The following AGPAT4 variants were observed in gnomAD, a reference collection of about 807,000 sequenced individuals.
AGPAT4 encodes 1-acyl-sn-glycerol-3-phosphate acyltransferase delta.
Under a neutral mutation model 48.0 loss-of-function variants are expected in AGPAT4, and 15 were observed. The ratio of observed to expected loss-of-function variants is 0.31; its 90% CI spans 0.21 to 0.48. AGPAT4 has a LOEUF of 0.48. Among genes scored for constraint, AGPAT4 ranks in the 20% least tolerant of loss-of-function variants. AGPAT4 has a pLI of 0.99. For missense variants in AGPAT4, 314 were observed against 482.5 expected (o/e 0.65, Z 3.27); for synonymous variants, 178 against 198.7 (o/e 0.90, Z 0.88).
rs886703381 is a variant in AGPAT4, at chr6:161,232,739, G to A, written c.-89-437C>T. Among the ~76,000 whole-genome samples the A allele has an allele frequency of 4.6e-5, 7 of 152,122 alleles. No homozygotes were observed. Among genetic ancestry groups the A allele is most frequent in the East Asian group, 1.9e-4 (1 of 5,150 alleles). On this transcript the variant is annotated intron_variant, in intron 1 of 8. Coordinates refer to ENST00000320285, the MANE Select transcript of AGPAT4 (RefSeq NM_020133.3). The surrounding 1 kb of genome is among the most constrained non-coding windows in gnomAD (Gnocchi z 6.8). ...CCCATTCTCTCACCCCTAGCCCCAC[G>A]CCATCTCCCTCCTCTCATTCTCCTC...
rs757075065 is a variant in AGPAT4, at chr6:161,251,632, G to A, written c.-89-19330C>T. Among the ~76,000 whole-genome samples, 6 of 152,326 alleles carry A rather than the reference G, an allele frequency of 3.9e-5. No homozygotes were observed. The highest frequency in any genetic ancestry group is 4.4e-5 in the Non-Finnish European group (3 of 68,040). ...GACCCGCAGGGAGGATGGAAGCTGCGCCTGAGAGCTCCTGCAAGTTCATTT... is the reference window on the plus strand; with the variant it reads ...GACCCGCAGGGAGGATGGAAGCTGCACCTGAGAGCTCCTGCAAGTTCATTT... On this transcript the variant is annotated intron_variant, in intron 1 of 8. Transcript: ENST00000320285. The surrounding 1 kb of genome is among the most constrained non-coding windows in gnomAD (Gnocchi z 4.6).
intron 3 of AGPAT4, among the ~76,000 whole-genome samples, chr6:161,156,070 C>A (rs1038984781): frequency 2.6e-5 from 4 of 152,206 alleles, no homozygotes; most frequent in African/African-American, 9.6e-5. Context: ...ATGGAAACGA[C>A]AACTTTGACA....
At position 161,148,221 on chromosome 6, in the gene AGPAT4, A is replaced by G. The variant is rs905798476; in HGVS notation, c.767+966T>C. Among the ~76,000 whole-genome samples, 1 of 152,188 alleles carries G rather than the reference A, an allele frequency of 6.6e-6. No homozygotes were observed. The highest frequency in any genetic ancestry group is 1.5e-5 in the Non-Finnish European group (1 of 68,032). ...AGGTGGGTGATTCTCCTGCCTTCAT[A>G]TGCCACAGAACTGAGTCACAGGGCA... is the stretch of plus-strand genomic sequence containing the variant. On this transcript the variant is annotated intron_variant, in intron 6 of 8. Transcript: ENST00000320285. This position sits in a 1 kb window ranked among gnomAD's most constrained non-coding sequence, Gnocchi z 5.5.
rs1488294773 is a variant in AGPAT4 at position 161,140,237 on chromosome 6, G to T, written c.844-617C>A. 6.6e-6 allele frequency among the ~76,000 whole-genome samples: 1 copy of T among 152,250 alleles called. No homozygotes were observed. The highest frequency in any genetic ancestry group is 2.4e-5 in the African/African-American group (1 of 41,466). ...TGACAAAGGGCTGGAGGGCTGCTGG[G>T]TGTGGCTCTCAGAGGTGACAGCACA... is the stretch of plus-strand genomic sequence containing the variant. On this transcript the variant is annotated intron_variant, in intron 7 of 8. Transcript: ENST00000320285. The surrounding 1 kb of genome is among the most constrained non-coding windows in gnomAD (Gnocchi z 6.5).
Position 161,158,964 on chromosome 6 carries a change from AG to A in AGPAT4, c.349-4655del, listed in dbSNP as rs1165350409. ...CAGTCATTCATGAAGGTTTCCCAGT[AG>A]GGTTACCAGTTAGTCAAGTGAGCCA... On this transcript the variant is annotated intron_variant, in intron 3 of 8. Coordinates refer to ENST00000320285, the MANE Select transcript of AGPAT4 (RefSeq NM_020133.3). The surrounding 1 kb of genome is among the most constrained non-coding windows in gnomAD (Gnocchi z 5.3). Among the ~76,000 whole-genome samples, 3 of 152,232 alleles carry A rather than the reference AG, an allele frequency of 2.0e-5. No individual in the cohort carries two copies. The highest frequency in any genetic ancestry group is 7.2e-5 in the African/African-American group (3 of 41,468).
rs761569245 is a variant in AGPAT4, at chr6:161,141,556, A to AG, written c.844-1937dup. On this transcript the variant is annotated intron_variant, in intron 7 of 8. Coordinates refer to ENST00000320285, the MANE Select transcript of AGPAT4 (RefSeq NM_020133.3). The surrounding 1 kb of genome is among the most constrained non-coding windows in gnomAD (Gnocchi z 6.7). ...CCACAGGGCACCTGATAACTAGACA[A>AG]GGGGGGTGATATTTTTGTGCCTTGT... Among the ~76,000 whole-genome samples, 47 of 152,020 alleles carry AG rather than the reference A, an allele frequency of 3.1e-4. No homozygotes were observed. Among genetic ancestry groups the AG allele is most frequent in the Admixed American group, 6.5e-4 (10 of 15,292 alleles).
At chr6:161,256,989 T>G (rs780617375) in intron 1 of AGPAT4, among the ~76,000 whole-genome samples, 1 of 152,234 alleles carries the variant, frequency 6.6e-6, no homozygotes, top group Non-Finnish European at 1.5e-5. Flanking sequence ...ACCAGCCACC[T>G]TAGCCAGTGG....
At chr6:161,191,218 T>A (rs886667246) in intron 2 of AGPAT4, among the ~76,000 whole-genome samples, 8 of 151,654 alleles carry the variant, frequency 5.3e-5, no homozygotes, top group African/African-American at 1.9e-4. Flanking sequence ...TGTAGAGGAG[T>A]TAACATAAAT....
intron 1 of AGPAT4, among the ~76,000 whole-genome samples, chr6:161,271,539 G>C (rs1783424548): frequency 6.6e-6 from 1 of 152,076 alleles, no homozygotes; most frequent in Non-Finnish European, 1.5e-5. Flanking sequence ...TCACCCTCTG[G>C]GTGTCACCTC....
At position 161,246,579 on chromosome 6, in the gene AGPAT4, T is replaced by C. The variant is rs917894624; in HGVS notation, c.-89-14277A>G. Among the ~76,000 whole-genome samples, 5 of 152,122 alleles carry C rather than the reference T, an allele frequency of 3.3e-5. No homozygotes were observed. The highest frequency in any genetic ancestry group is 7.3e-5 in the Non-Finnish European group (5 of 68,032). On this transcript the variant is annotated intron_variant, in intron 1 of 8. Coordinates refer to ENST00000320285, the MANE Select transcript of AGPAT4 (RefSeq NM_020133.3). The surrounding 1 kb of genome is among the most constrained non-coding windows in gnomAD (Gnocchi z 5.5). ...CATGCGCCACCACGCCCAGCTAATT[T>C]TGTATTTTTAGTCTAGATGGGGTTT...
At position 161,200,240 on chromosome 6, in the gene AGPAT4, G is replaced by A. The variant is rs1192165588; in HGVS notation, c.178+31796C>T. Among the ~76,000 whole-genome samples, 1 of 152,222 alleles carries A rather than the reference G, an allele frequency of 6.6e-6. No homozygotes were observed. The highest frequency in any genetic ancestry group is 1.5e-5 in the Non-Finnish European group (1 of 68,044). On this transcript the variant is annotated intron_variant, in intron 2 of 8. Transcript: ENST00000320285. This position sits in a 1 kb window ranked among gnomAD's most constrained non-coding sequence, Gnocchi z 5.5. ...TCACTTCTATGAGAAAATCACAGCA[G>A]AATAATGCTAATGAGTGAACATTTA...
rs1457375527 is a variant in AGPAT4, at chr6:161,159,847, G to T, written c.349-5537C>A. Reference sequence around the variant, plus strand: ...GTTAGTAGAGACGGGGTTTCACCATGTTGGCTAGTCTGGTCTCGAACTCCT... The same window carrying T: ...GTTAGTAGAGACGGGGTTTCACCATTTTGGCTAGTCTGGTCTCGAACTCCT... On this transcript the variant is annotated intron_variant, in intron 3 of 8. Transcript: ENST00000320285. The surrounding 1 kb of genome is among the most constrained non-coding windows in gnomAD (Gnocchi z 4.1). Among the ~76,000 whole-genome samples, 1 of 151,914 alleles carries T rather than the reference G, an allele frequency of 6.6e-6. No homozygotes were observed. Among genetic ancestry groups the T allele is most frequent in the Admixed American group, 6.5e-5 (1 of 15,272 alleles).
At position 161,242,653 on chromosome 6, in the gene AGPAT4, T is replaced by C. The variant is rs1782525470; in HGVS notation, c.-89-10351A>G. 6.6e-6 allele frequency among the ~76,000 whole-genome samples: 1 copy of C among 152,230 alleles called. No homozygotes were observed. The highest frequency in any genetic ancestry group is 2.4e-5 in the African/African-American group (1 of 41,456). ...GCATATTTTAAAATTATGCTCAGTCTGTGAAGTCTCCAAAAAATTTTATCA... is the reference window on the plus strand; with the variant it reads ...GCATATTTTAAAATTATGCTCAGTCCGTGAAGTCTCCAAAAAATTTTATCA... On this transcript the variant is annotated intron_variant, in intron 1 of 8. Coordinates refer to ENST00000320285, the MANE Select transcript of AGPAT4 (RefSeq NM_020133.3). This position sits in a 1 kb window ranked among gnomAD's most constrained non-coding sequence, Gnocchi z 5.0.
chr6:161,239,314 C>T (rs1454340962), intron 1 of AGPAT4, among the ~76,000 whole-genome samples: 1 of 152,184 alleles, frequency 6.6e-6, no homozygotes, highest in Non-Finnish European at 1.5e-5. Flanking sequence ...AGAGAGCTGT[C>T]AGTTTAATGC....
At position 161,131,910 on chromosome 6, in the gene AGPAT4, T is replaced by C. The variant is rs1158494974; in HGVS notation, c.*4630A>G. The C allele has an allele frequency of 6.6e-6, 1 of 152,130 alleles. No individual in the cohort carries two copies. Among genetic ancestry groups the C allele is most frequent in the Non-Finnish European group, 1.5e-5 (1 of 68,032 alleles). The allele number at this position is 152,130 out of a possible 1,614,324, so 9.4% of individuals were successfully genotyped here. Reference sequence around the variant, plus strand: ...GTGACAGGTCAAAACCCTGGAGTATTTGGTTTGTGTTTAAATGTACTTGAC... The same window carrying C: ...GTGACAGGTCAAAACCCTGGAGTATCTGGTTTGTGTTTAAATGTACTTGAC... On this transcript the variant is annotated 3_prime_UTR_variant, in exon 9 of 9. Coordinates refer to ENST00000320285, the MANE Select transcript of AGPAT4 (RefSeq NM_020133.3).
In AGPAT4 at chr6:161,204,197, C is replaced by G. The variant is rs1164684357; in HGVS notation, c.178+27839G>C. 1.3e-5 allele frequency among the ~76,000 whole-genome samples: 2 copies of G among 152,132 alleles called. No individual in the cohort carries two copies. Among genetic ancestry groups the G allele is most frequent in the African/African-American group, 2.4e-5 (1 of 41,432 alleles). ...AGAAGATGAATGCATTTAAACTTCTCATTAGTAAGTGTACATAAAAGGGAT... is the reference window on the plus strand; with the variant it reads ...AGAAGATGAATGCATTTAAACTTCTGATTAGTAAGTGTACATAAAAGGGAT... On this transcript the variant is annotated intron_variant, in intron 2 of 8. Coordinates refer to ENST00000320285, the MANE Select transcript of AGPAT4 (RefSeq NM_020133.3). This position sits in a 1 kb window ranked among gnomAD's most constrained non-coding sequence, Gnocchi z 4.4.
At chr6:161,252,234 A>G (rs1782823717) in intron 1 of AGPAT4, among the ~76,000 whole-genome samples, 1 of 152,192 alleles carries the variant, frequency 6.6e-6, no homozygotes, top group African/African-American at 2.4e-5. Flanking sequence ...TTGCAGTGGT[A>G]ATAGGAGAGT....
In AGPAT4 at chr6:161,220,383, T is replaced by C. The variant is rs1301451677; in HGVS notation, c.178+11653A>G. 6.6e-6 allele frequency among the ~76,000 whole-genome samples: 1 copy of C among 152,160 alleles called. No individual in the cohort carries two copies. The highest frequency in any genetic ancestry group is 2.4e-5 in the African/African-American group (1 of 41,440). ...TAGGAATTGGGCCAGAGTGTAACAG[T>C]AACTATGAAGAGAAAACATTACATC... On this transcript the variant is annotated intron_variant, in intron 2 of 8. Transcript: ENST00000320285. This position sits in a 1 kb window ranked among gnomAD's most constrained non-coding sequence, Gnocchi z 6.0.
rs1049738028 is a variant in AGPAT4 at position 161,217,171 on chromosome 6, C to A, written c.178+14865G>T. Among the ~76,000 whole-genome samples, 2 of 152,128 alleles carry A rather than the reference C, an allele frequency of 1.3e-5. No individual in the cohort carries two copies. The highest frequency in any genetic ancestry group is 2.9e-5 in the Non-Finnish European group (2 of 68,022). On this transcript the variant is annotated intron_variant, in intron 2 of 8. Transcript: ENST00000320285. The surrounding 1 kb of genome is among the most constrained non-coding windows in gnomAD (Gnocchi z 4.9). ...AGGGGAGGGGCGGAGTGAGCACAGG[C>A]GTGGGGACGCGAAAGGACAGGGGAA...
Sources: allele counts gnomAD v4.1 joint callset (sites outside exome capture counted in the v4.1 genomes callset), GRCh38; gene constraint gnomAD v4.1.1; non-coding constraint Gnocchi (gnomAD v3.1); transcripts MANE v1.5; gene names NCBI Gene and HGNC (gene_info 2026-07-23, HGNC 2026-07-21).